Variants in TRMT10A observed in about 807,000 individuals in gnomAD.
TRMT10A encodes the protein tRNA methyltransferase 10A, also known as tRNA methyltransferase 10 homolog A.
TRMT10A carries 37 observed loss-of-function variants against 40.4 expected under a neutral mutation model. The observed-to-expected ratio is 0.92, with a 90% CI of 0.71 to 1.21. The LOEUF (loss-of-function observed/expected upper bound fraction) is 1.21, where lower values mean the gene tolerates loss of function less well. Among genes scored for constraint, TRMT10A ranks in the 50% most tolerant of loss-of-function variants. TRMT10A has a pLI of 0.00. For synonymous variants in TRMT10A, 103 were observed against 134.1 expected (o/e 0.77, Z 1.60); for missense variants, 388 against 404.3 (o/e 0.96, Z 0.35).
rs1042516713 is a variant in TRMT10A at position 99,547,447 on chromosome 4, A to C, written c.*1641T>G. The C allele has an allele frequency of 1.3e-5, 2 of 152,150 alleles. No homozygotes were observed. Among genetic ancestry groups the C allele is most frequent in the African/African-American group, 4.8e-5 (2 of 41,442 alleles). The allele number at this position is 152,150 out of a possible 1,614,324, so 9.4% of individuals were successfully genotyped here. ...ATACAGAGTTTTTTATAATTAATAAAAATTAAACTCTTATTTGGAATGATT... is the reference window on the plus strand; with the variant it reads ...ATACAGAGTTTTTTATAATTAATAACAATTAAACTCTTATTTGGAATGATT... On this transcript the variant is annotated 3_prime_UTR_variant, in exon 8 of 8. Coordinates refer to ENST00000394876, the MANE Select transcript of TRMT10A (RefSeq NM_001134665.3).
intron 1 of TRMT10A, among the ~76,000 whole-genome samples, chr4:99,560,777 G>C (rs1466163097): frequency 1.3e-5 from 2 of 151,920 alleles, no homozygotes; most frequent in East Asian, 3.9e-4. Context: ...TATCCAAAAC[G>C]ACACCGAGTG....
Position 99,559,265 on chromosome 4 carries a change from T to A in TRMT10A, c.74A>T (p.Gln25Leu), listed in dbSNP as rs1286257898. 11 of 1,613,542 alleles carry A rather than the reference T, an allele frequency of 6.8e-6. No homozygotes were observed. The highest frequency in any genetic ancestry group is 1.3e-5 in the African/African-American group (1 of 74,914). ...VDKKQGINED[Q>L]EESQKPRLGE... Reference sequence around the variant, plus strand: ...TAATCTTGGCTTCTGGCTCTCCTCTTGATCTTCATTTATGCCTTGCTTTTT... The same window carrying A: ...TAATCTTGGCTTCTGGCTCTCCTCTAGATCTTCATTTATGCCTTGCTTTTT... Residue 25 changes from glutamine (Q) to leucine (L), a missense_variant, in exon 2 of 8, where the codon CAA becomes CTA. Coordinates refer to ENST00000394876, the MANE Select transcript of TRMT10A (RefSeq NM_001134665.3).
In TRMT10A at chr4:99,553,780, A is replaced by G. The variant is rs751475827; in HGVS notation, c.645+5T>C. 1 of 1,588,266 alleles carries G rather than the reference A, an allele frequency of 6.3e-7. No individual in the cohort carries two copies. The highest frequency in any genetic ancestry group is 8.5e-7 in the Non-Finnish European group (1 of 1,172,554). On this transcript the variant is annotated splice_donor_5th_base_variant and intron_variant, in intron 6 of 7. Coordinates refer to ENST00000394876, the MANE Select transcript of TRMT10A (RefSeq NM_001134665.3). ...GCAAAAGCAAAAATAAAAATTTAAT[A>G]GTACCTTGTGATGGTTGTGATCTAC...
At position 99,549,078 on chromosome 4, in the gene TRMT10A, C is replaced by A. The variant is rs1723854561; in HGVS notation, c.*10G>T. 1.9e-6 allele frequency: 3 copies of A among 1,610,244 alleles called. No individual in the cohort carries two copies. The highest frequency in any genetic ancestry group is 3.3e-5 in the Admixed American group (2 of 59,924). ...AATTTTTCCTTAAACTAAAAGGAAACCAGGTAACATTAGTGTGGCAGAGAG... is the reference window on the plus strand; with the variant it reads ...AATTTTTCCTTAAACTAAAAGGAAAACAGGTAACATTAGTGTGGCAGAGAG... On this transcript the variant is annotated 3_prime_UTR_variant, in exon 8 of 8. Coordinates refer to ENST00000394876, the MANE Select transcript of TRMT10A (RefSeq NM_001134665.3).
rs1406860003 is a variant in TRMT10A, at chr4:99,550,954, T to C, written c.682A>G (p.Asn228Asp). The change falls in exon 7 of 8, where the codon AAT becomes GAT. Residue 228 changes from asparagine to aspartate, a missense_variant. Asn to Asp is a conservative substitution (Grantham distance 23, BLOSUM62 1). Coordinates refer to ENST00000394876, the MANE Select transcript of TRMT10A (RefSeq NM_001134665.3). Reference sequence around the variant, plus strand: ...TTTCCAAGTGGGAGCTGTGCATGATTGATTCCATAATCTGACGCTTGTTTA... The same window carrying C: ...TTTCCAAGTGGGAGCTGTGCATGATCGATTCCATAATCTGACGCTTGTTTA... Reference protein sequence around the residue: ...TYKQASDYGINHAQLPLGNFV... With the variant: ...TYKQASDYGIDHAQLPLGNFV... 2 of 1,612,720 alleles carry C rather than the reference T, an allele frequency of 1.2e-6. No individual in the cohort carries two copies. The highest frequency in any genetic ancestry group is 2.2e-5 in the East Asian group (1 of 44,670).
rs761265430 is a variant in TRMT10A, at chr4:99,558,004, G to A, written c.348+45C>T. ...TTGCATATTAAAACAAAAATGATTCGACCTAATTCACATACAAGATTTTTC... is the reference window on the plus strand; with the variant it reads ...TTGCATATTAAAACAAAAATGATTCAACCTAATTCACATACAAGATTTTTC... On this transcript the variant is annotated intron_variant, in intron 3 of 7. Transcript: ENST00000394876. 4.1e-6 allele frequency: 6 copies of A among 1,476,096 alleles called. No individual in the cohort carries two copies. In the Admixed American group the frequency reaches 7.8e-5, roughly 19 times the overall value. The allele number at this position is 1,476,096 out of a possible 1,614,324, so 91.4% of individuals were successfully genotyped here. A position where few individuals can be genotyped will look rare whatever the true frequency, so the allele number is the denominator to read the frequency against.
rs10007794 is a variant in TRMT10A at position 99,557,583 on chromosome 4, C to A, written c.349-167G>T. 0.25 allele frequency: 140,039 copies of A among 550,034 alleles called. 18,960 individuals are homozygous for A. The highest frequency in any genetic ancestry group is 0.33 in the South Asian group (12,827 of 39,052). 34.1% of individuals were successfully genotyped at this position (550,034 alleles called of 1,614,324 possible). ...GTTATTTGATTTCCTTACATACTAG[C>A]AAAATTACTGTAAGTTAATGCTCTG... is the stretch of plus-strand genomic sequence containing the variant. On this transcript the variant is annotated intron_variant, in intron 3 of 7. Transcript: ENST00000394876.
chr4:99,550,773 A>C, intron 7 of TRMT10A, 112 bp downstream of exon 7: 1 of 710,764 alleles, frequency 1.4e-6, no homozygotes, highest in Non-Finnish European at 2.3e-6. Flanking sequence ...TACTTTTTAC[A>C]ATTTTGTCTC....
Position 99,546,920 on chromosome 4 carries a change from T to A in TRMT10A, c.*2168A>T, listed in dbSNP as rs560877306. ...CAGAAACTAGTTATATCAAAAGAGG[T>A]AGTAATCTTCACCTTCTTGCCACCA... On this transcript the variant is annotated 3_prime_UTR_variant, in exon 8 of 8. Transcript: ENST00000394876. 3.5e-4 allele frequency: 53 copies of A among 152,036 alleles called. No homozygotes were observed. Among genetic ancestry groups the A allele is most frequent in the African/African-American group, 8.0e-4 (33 of 41,472 alleles). 9.4% of individuals were successfully genotyped at this position (152,036 alleles called of 1,614,324 possible). A position where few individuals can be genotyped will look rare whatever the true frequency, so the allele number is the denominator to read the frequency against.
intron 6 of TRMT10A, among the ~76,000 whole-genome samples, chr4:99,552,669 TGACAAA>T (rs1428356750): frequency 6.6e-6 from 1 of 152,092 alleles, no homozygotes; most frequent in African/African-American, 2.4e-5. Context: ...TTTGCACAAA[TGACAAA>T]GACAAATTAA....
intron 6 of TRMT10A, among the ~76,000 whole-genome samples, chr4:99,553,219 T>A (rs1724030332): frequency 6.6e-6 from 1 of 152,154 alleles, no homozygotes; most frequent in Non-Finnish European, 1.5e-5. Context: ...GACAAGCAGA[T>A]ACGAAGAATT....
chr4:99,553,525 G>A (rs573543377), intron 6 of TRMT10A, among the ~76,000 whole-genome samples: 1 of 152,254 alleles, frequency 6.6e-6, no homozygotes, highest in Admixed American at 6.5e-5. Flanking sequence ...ACCTACTACT[G>A]TTGATTTTAG....
intron 4 of TRMT10A, 118 bp downstream of exon 4, chr4:99,557,227 T>C: frequency 2.1e-6 from 2 of 966,984 alleles, no homozygotes; most frequent in Admixed American, 3.3e-5. Context: ...TTTTTTCACA[T>C]AGGCATTAAA....
At chr4:99,553,026 A>T (rs2110185743) in intron 6 of TRMT10A, among the ~76,000 whole-genome samples, 1 of 152,324 alleles carries the variant, frequency 6.6e-6, no homozygotes, top group Non-Finnish European at 1.5e-5. Flanking sequence ...CCACTAAGAA[A>T]AAAACAAAAA....
chr4:99,558,175 T>C lies in TRMT10A; in HGVS notation c.222A>G (p.Leu74=), dbSNP rs768464925. 9 of 1,598,648 alleles carry C rather than the reference T, an allele frequency of 5.6e-6. No individual in the cohort carries two copies. The African/African-American group carries it at 1.2e-4, about 22-fold the overall frequency. ...TTGGTTCCATTTGACATTGTCGCTC[T>C]AATTTTTTCCTCTTGCGTTTTTCTT... ...KRKEKRKRKK[L]ERQCQMEPNS... Residue 74 remains leucine (L), a synonymous_variant, in exon 3 of 8, where the codon TTA becomes TTG. Transcript: ENST00000394876.
chr4:99,556,275 A>G, intron 4 of TRMT10A, 55 bp from the exon 5 acceptor site: 1 of 1,455,042 alleles, frequency 6.9e-7, no homozygotes, highest in Non-Finnish European at 9.5e-7. Flanking sequence ...TTTAAGTCTA[A>G]TATTTTATTT....
chr4:99,555,058 G>T (rs1724113778), intron 5 of TRMT10A, among the ~76,000 whole-genome samples: 1 of 152,174 alleles, frequency 6.6e-6, no homozygotes, highest in African/African-American at 2.4e-5. Flanking sequence ...GCCCCAAGAG[G>T]AACCTGATTA....
chr4:99,562,201 A>ATATATATGTGTGTG (rs374134499), intron 1 of TRMT10A, among the ~76,000 whole-genome samples: 22 of 136,188 alleles, frequency 1.6e-4, no homozygotes, highest in African/African-American at 6.0e-4. Flanking sequence ...ATATATATAT[A>ATATATATGTGTGTG]TGTGTGTGTG....
At chr4:99,557,254 A>G in intron 4 of TRMT10A, 91 bp downstream of exon 4, 1 of 1,271,310 alleles carries the variant, frequency 7.9e-7, no homozygotes, top group Non-Finnish European at 1.1e-6. Flanking sequence ...TACCTGTAAG[A>G]CTACTGCAAA....
Sources: gnomAD v4.1 joint callset for allele counts (sites outside exome capture counted in the v4.1 genomes callset) on GRCh38, gnomAD v4.1.1 for gene constraint, MANE v1.5 for transcripts, NCBI Gene and HGNC (gene_info 2026-07-23, HGNC 2026-07-21) for gene names.